SSUH2: variants seen among roughly 807,000 people sequenced by gnomAD.
SSUH2 encodes the protein protein SSUH2 homolog.
SSUH2 carries 47 observed loss-of-function variants against 55.3 expected under a neutral mutation model. The observed-to-expected ratio is 0.85, with a 90% CI of 0.67 to 1.08. The LOEUF is 1.08. Ranked by LOEUF, SSUH2 falls within the 50% of genes least tolerant of loss-of-function variation. SSUH2 has a pLI of 0.00. For synonymous variants in SSUH2, 212 were observed against 191.5 expected (o/e 1.11, Z -0.89); for missense variants, 535 against 490.7 (o/e 1.09, Z -0.85).
At chr3:8,664,588 T>C (rs1703809618) in intron 5 of SSUH2, among the ~76,000 whole-genome samples, 1 of 152,182 alleles carries the variant, frequency 6.6e-6, no homozygotes, top group Non-Finnish European at 1.5e-5. Flanking sequence ...CTCGACCATC[T>C]CATTTCATGG....
chr3:8,620,238 G>A (rs1696138546), intron 11 of SSUH2, among the ~76,000 whole-genome samples: 3 of 152,166 alleles, frequency 2.0e-5, no homozygotes, highest in African/African-American at 7.2e-5. Flanking sequence ...AATCGTGGGG[G>A]TGGGTTTTTC....
At chr3:8,679,607 G>C (rs1242024415) in intron 2 of SSUH2, 1 of 170,484 alleles carries the variant, frequency 5.9e-6, no homozygotes, top group South Asian at 2.1e-4. Context: ...ATCGAAGGGG[G>C]TGGAGGCACC....
chr3:8,633,104 C>T (rs1367577282), intron 4 of SSUH2, among the ~76,000 whole-genome samples: 1 of 150,966 alleles, frequency 6.6e-6, no homozygotes, highest in East Asian at 1.9e-4. Flanking sequence ...TCTATGATGC[C>T]TGGCATGTTC....
At chr3:8,631,716 TA>T (rs1309841249) in intron 5 of SSUH2, among the ~76,000 whole-genome samples, 1 of 151,726 alleles carries the variant, frequency 6.6e-6, no homozygotes, top group Non-Finnish European at 1.5e-5. Context: ...TAGGAGGAAT[TA>T]GGGGTGGCAT....
chr3:8,649,950 T>C (rs549293258), intron 7 of SSUH2, among the ~76,000 whole-genome samples: 1 of 152,264 alleles, frequency 6.6e-6, no homozygotes, highest in African/African-American at 2.4e-5. Context: ...CCTACCAATA[T>C]GGCCTCTGCC....
chr3:8,656,541 C>A (rs1260330565), intron 7 of SSUH2, among the ~76,000 whole-genome samples: 1 of 152,184 alleles, frequency 6.6e-6, no homozygotes, highest in Non-Finnish European at 1.5e-5. Context: ...CACAAACAGT[C>A]CTCATGCCCC....
chr3:8,679,997 ACAG>A (rs1294001639), intron 1 of SSUH2: 1 of 152,264 alleles, frequency 6.6e-6, no homozygotes, highest in Non-Finnish European at 1.5e-5. Flanking sequence ...GATCCCAACA[ACAG>A]CAAGTCTTTC....
intron 7 of SSUH2, among the ~76,000 whole-genome samples, chr3:8,653,098 C>G (rs930029753): frequency 6.6e-6 from 1 of 152,192 alleles, no homozygotes; most frequent in African/African-American, 2.4e-5. Context: ...AGAATGGACA[C>G]CTTTTTGGAT....
chr3:8,638,288 G>A (rs1048906295), intron 1 of SSUH2, among the ~76,000 whole-genome samples: 8 of 152,156 alleles, frequency 5.3e-5, no homozygotes, highest in Admixed American at 3.3e-4. Context: ...CCTTTAAGAC[G>A]AATGAACACC....
intron 1 of SSUH2, 41 bp downstream of exon 1, chr3:8,644,690 C>T (rs763163666): frequency 1.3e-6 from 2 of 1,525,364 alleles, no homozygotes; most frequent in Non-Finnish European, 1.8e-6. Context: ...GCTAAAATAT[C>T]TCCACACAGT....
At position 8,634,039 on chromosome 3, in the gene SSUH2, G is replaced by A; in HGVS notation, c.210-244C>T. ...CACTTTAGTTGAAATGTGGAGCTTA[G>A]GAGAAAAGCTGATAGAATCCTGCAA... On this transcript the variant is annotated intron_variant, in intron 3 of 11. Coordinates refer to ENST00000544814, the MANE Select transcript of SSUH2 (RefSeq NM_001256748.3). The A allele has an allele frequency of 2.3e-6, 3 of 1,282,274 alleles. 1 individual carries two copies. In the South Asian group the frequency reaches 4.4e-5, roughly 19 times the overall value. 79.4% of individuals were successfully genotyped at this position (1,282,274 alleles called of 1,614,324 possible).
intron 11 of SSUH2, 58 bp downstream of exon 11, chr3:8,623,491 G>A: frequency 9.6e-7 from 1 of 1,038,758 alleles, no homozygotes; most frequent in Non-Finnish European, 1.5e-6. Flanking sequence ...TCAGGAAAGA[G>A]GGCTCAGCAG....
chr3:8,640,105 A>G (rs544866645), intron 1 of SSUH2: 38 of 646,314 alleles, frequency 5.9e-5, no homozygotes, highest in Middle Eastern at 7.9e-4. Context: ...TATTTAATAG[A>G]GACAGAATTT....
chr3:8,661,206 A>G (rs1703452685), intron 6 of SSUH2, among the ~76,000 whole-genome samples: 1 of 152,214 alleles, frequency 6.6e-6, no homozygotes, highest in Admixed American at 6.5e-5. Flanking sequence ...TGGCCTTCAC[A>G]TGCACCTCTG....
At chr3:8,675,741 G>A (rs911223227) in intron 3 of SSUH2, among the ~76,000 whole-genome samples, 1 of 152,142 alleles carries the variant, frequency 6.6e-6, no homozygotes, top group African/African-American at 2.4e-5. Context: ...CACAAAGGGG[G>A]CTGGGACCGG....
chr3:8,676,514 C>G (rs1305522519), intron 3 of SSUH2, among the ~76,000 whole-genome samples: 8 of 151,020 alleles, frequency 5.3e-5, no homozygotes, highest in African/African-American at 9.7e-5. Context: ...TTATTAAGGA[C>G]CATCTCACAC....
At chr3:8,639,794 A>C (rs1700531853) in intron 1 of SSUH2, among the ~76,000 whole-genome samples, 1 of 152,104 alleles carries the variant, frequency 6.6e-6, no homozygotes, top group African/African-American at 2.4e-5. Context: ...ATCTTACTTG[A>C]GTTTGTTTCA....
intron 3 of SSUH2, among the ~76,000 whole-genome samples, chr3:8,675,625 C>A (rs1259368727): frequency 1.3e-5 from 2 of 152,106 alleles, no homozygotes; most frequent in East Asian, 3.9e-4. Context: ...TGCAATCTAG[C>A]GGAGTCTAAG....
chr3:8,647,238 G>A (rs576956414), upstream of SSUH2, among the ~76,000 whole-genome samples: 1 of 152,358 alleles, frequency 6.6e-6, no homozygotes, highest in East Asian at 1.9e-4. Flanking sequence ...GAAGGCAGCA[G>A]CAGAACAGAA....
Sources: gnomAD v4.1 joint callset for allele counts (sites outside exome capture counted in the v4.1 genomes callset) on GRCh38, gnomAD v4.1.1 for gene constraint, MANE v1.5 for transcripts, NCBI Gene and HGNC (gene_info 2026-07-23, HGNC 2026-07-21) for gene names.